The following PTCH1 variants were observed in gnomAD, a reference collection of about 807,000 sequenced individuals.
The protein encoded by PTCH1 is patched 1, also known as protein patched homolog 1.
In PTCH1, 14 loss-of-function variants were observed where a neutral mutation model predicts 144.6. The observed-to-expected ratio is 0.10, with a 90% CI of 0.06 to 0.15. The LOEUF (loss-of-function observed/expected upper bound fraction) is 0.15, where lower values mean the gene tolerates loss of function less well. Among genes scored for constraint, PTCH1 ranks in the 10% least tolerant of loss-of-function variants. The pLI is 1.00. For missense variants in PTCH1, 1,623 were observed against 1,948.3 expected, an observed-to-expected ratio of 0.83 and a Z score of 3.14; for synonymous variants, 833 against 793.6, an observed-to-expected ratio of 1.05 and a Z score of -0.83.
At position 95,468,979 on chromosome 9, in the gene PTCH1, C is replaced by T. The variant is rs368564259; in HGVS notation, c.2022G>A (p.Val674=). 11 of 1,613,904 alleles carry T rather than the reference C, an allele frequency of 6.8e-6. No homozygotes were observed. The highest frequency in any genetic ancestry group is 8.5e-6 in the Non-Finnish European group (10 of 1,180,040). The change falls in exon 14 of 24, where the codon GTG becomes GTA. Residue 674 remains valine (V), a synonymous_variant. Transcript: ENST00000331920. ...LRTEYDPHTH[V]YYTTAEPRSE... ...AGCGCGGCTCAGCGGTGGTGTAGTA[C>T]ACGTGCGTGTGGGGGTCGTACTCCG...
intron 7 of PTCH1, among the ~76,000 whole-genome samples, chr9:95,479,499 G>A (rs1841362071): frequency 6.6e-6 from 1 of 152,136 alleles, no homozygotes; most frequent in Admixed American, 6.5e-5. Flanking sequence ...AATCCCAGAC[G>A]GTGGCGTTCC....
chr9:95,469,039 C>T lies in PTCH1; in HGVS notation c.1962G>A (p.Thr654=), dbSNP rs201544613. ...GGACAGTGGACTGCATGGTAATCTGCGTTTCATGGGCAAAGCTGTGGCTGC... is the reference window on the plus strand; with the variant it reads ...GGACAGTGGACTGCATGGTAATCTGTGTTTCATGGGCAAAGCTGTGGCTGC... ...PYSSHSFAHE[T]QITMQSTVQL... is the part of the protein sequence containing the mutation. Residue 654 remains threonine, a synonymous_variant, in exon 14 of 24, where the codon ACG becomes ACA. Coordinates refer to ENST00000331920, the MANE Select transcript of PTCH1 (RefSeq NM_000264.5). The T allele has an allele frequency of 2.5e-5, 40 of 1,613,852 alleles. No homozygotes were observed. Among genetic ancestry groups the T allele is most frequent in the East Asian group, 1.1e-4 (5 of 44,872 alleles).
upstream of PTCH1, chr9:95,514,191 G>C (rs1460072128): frequency 6.6e-6 from 1 of 152,192 alleles, no homozygotes; most frequent in Non-Finnish European, 1.5e-5. Flanking sequence ...AAAGAAAACA[G>C]AGCATTGACC....
chr9:95,453,717 C>T, intron 19 of PTCH1, 97 bp from the exon 20 acceptor site: 1 of 1,518,928 alleles, frequency 6.6e-7, no homozygotes, highest in Non-Finnish European at 9.0e-7. Flanking sequence ...GAACTGCTCA[C>T]ATCTTACTGT....
At chr9:95,453,693 G>A in intron 19 of PTCH1, 73 bp from the exon 20 acceptor site, 1 of 1,592,216 alleles carries the variant, frequency 6.3e-7, no homozygotes, top group Middle Eastern at 1.7e-4. Context: ...TGTCCTAAAT[G>A]TTACAAGCTC....
At chr9:95,471,433 A>T (rs1454170105) in intron 12 of PTCH1, among the ~76,000 whole-genome samples, 1 of 152,156 alleles carries the variant, frequency 6.6e-6, no homozygotes, top group East Asian at 1.9e-4. Flanking sequence ...TTACCACTCT[A>T]ATGTATTTAA....
At chr9:95,451,083 A>G (rs764713097) in intron 20 of PTCH1, 8 of 152,206 alleles carry the variant, frequency 5.3e-5, no homozygotes, top group Admixed American at 2.6e-4. Flanking sequence ...CCATGTCTAT[A>G]TATGTTTTGA....
chr9:95,470,344 A>G (rs1261383898), intron 12 of PTCH1, among the ~76,000 whole-genome samples: 1 of 152,232 alleles, frequency 6.6e-6, no homozygotes, highest in African/African-American at 2.4e-5. Context: ...ACATTTTTAT[A>G]TAAAGTGGAT....
Position 95,443,723 on chromosome 9 carries a change from A to G in PTCH1, c.*2670T>C, listed in dbSNP as rs1837652836. 2.0e-5 allele frequency: 3 copies of G among 152,674 alleles called. No homozygotes were observed. Among genetic ancestry groups the G allele is most frequent in the Admixed American group, 2.0e-4 (3 of 15,280 alleles). 9.5% of individuals were successfully genotyped at this position (152,674 alleles called of 1,614,324 possible). The stretch of plus-strand genomic sequence containing the variant: ...ATTCTTTAAAAATATACTTCTGTCA[A>G]AAGACTTGATGACTACTATGTACAC... On this transcript the variant is annotated 3_prime_UTR_variant, in exon 24 of 24. Coordinates refer to ENST00000331920, the MANE Select transcript of PTCH1 (RefSeq NM_000264.5).
At position 95,450,021 on chromosome 9, in the gene PTCH1, T is replaced by C. The variant is rs571606371; in HGVS notation, c.3450-81A>G. 58 of 1,269,750 alleles carry C rather than the reference T, an allele frequency of 4.6e-5. No homozygotes were observed. In the African/African-American group the frequency reaches 7.8e-4, roughly 17 times the overall value. 78.7% of individuals were successfully genotyped at this position (1,269,750 alleles called of 1,614,324 possible). A position where few individuals can be genotyped will look rare whatever the true frequency, so the allele number is the denominator to read the frequency against. On this transcript the variant is annotated intron_variant, in intron 20 of 23. Transcript: ENST00000331920. ...CCTCCGTGTGCCCGACACAGCAGCA[T>C]GGCAACGCCAGAAATGAACAAAACC...
In PTCH1 at chr9:95,505,776, A is replaced by AC. The variant is rs1160526599; in HGVS notation, c.394+630dup. On this transcript the variant is annotated intron_variant, in intron 2 of 23. Transcript: ENST00000331920. ...TTTTTTTTCCACTCCTTCCACCCCC[A>AC]CCCCGCGTTTTTTGTACCTTGAGAC... 2.2e-4 allele frequency among the ~76,000 whole-genome samples: 30 copies of AC among 139,512 alleles called. No homozygotes were observed. In the Admixed American group the frequency reaches 2.2e-3, roughly 10 times the overall value. The allele number at this position is 139,512 out of a possible 152,430, so 91.5% of individuals were successfully genotyped here.
chr9:95,497,524 G>A (rs1842869516), intron 2 of PTCH1, among the ~76,000 whole-genome samples: 1 of 152,188 alleles, frequency 6.6e-6, no homozygotes, highest in Admixed American at 6.5e-5. Context: ...CACCCGGGAG[G>A]GCTTCCTCTC....
intron 2 of PTCH1, among the ~76,000 whole-genome samples, chr9:95,502,795 G>GC (rs1843244354): frequency 6.6e-6 from 1 of 152,000 alleles, no homozygotes; most frequent in Non-Finnish European, 1.5e-5. Flanking sequence ...GATGTATTCT[G>GC]CCCTCTTTAT....
Position 95,469,686 on chromosome 9 carries a change from C to T in PTCH1, c.1847+127G>A, listed in dbSNP as rs1447694588. ...GGAAGCAGCCTCTGTCCAATCTCTC[C>T]CCTACGTTCTCCACACCAGCACAAA... is the stretch of plus-strand genomic sequence containing the variant. On this transcript the variant is annotated intron_variant, in intron 13 of 23. Transcript: ENST00000331920. 4 of 957,888 alleles carry T rather than the reference C, an allele frequency of 4.2e-6. No homozygotes were observed. In the African/African-American group the frequency reaches 4.8e-5, roughly 12 times the overall value. The allele number at this position is 957,888 out of a possible 1,614,324, so 59.3% of individuals were successfully genotyped here.
intron 15 of PTCH1, among the ~76,000 whole-genome samples, chr9:95,465,566 TG>T (rs1839924924): frequency 6.6e-6 from 1 of 152,206 alleles, no homozygotes; most frequent in Admixed American, 6.5e-5. Context: ...TGGGTGTACA[TG>T]TAGACACAAA....
At chr9:95,481,078 C>A (rs1357168090) in intron 5 of PTCH1, among the ~76,000 whole-genome samples, 1 of 152,220 alleles carries the variant, frequency 6.6e-6, no homozygotes, top group African/African-American at 2.4e-5. Context: ...AAGCCCCCTG[C>A]AGCCTCTGCC....
intron 4 of PTCH1, 45 bp downstream of exon 4, chr9:95,482,089 C>G (rs753393477): frequency 6.2e-7 from 1 of 1,610,488 alleles, no homozygotes; most frequent in African/African-American, 1.3e-5. Flanking sequence ...AGGCACACTA[C>G]TGGGGTGTTC....
At position 95,446,284 on chromosome 9, in the gene PTCH1, A is replaced by T; in HGVS notation, c.*109T>A. 2.1e-6 allele frequency: 1 copy of T among 486,346 alleles called. No individual in the cohort carries two copies. Among genetic ancestry groups the T allele is most frequent in the South Asian group, 1.5e-5 (1 of 67,504 alleles). 30.1% of individuals were successfully genotyped at this position (486,346 alleles called of 1,614,324 possible). ...TAACAATGAACTGCTGTCCTGGCACAGGGCATCTTTTCCATAACTCCAACC... is the reference window on the plus strand; with the variant it reads ...TAACAATGAACTGCTGTCCTGGCACTGGGCATCTTTTCCATAACTCCAACC... On this transcript the variant is annotated 3_prime_UTR_variant, in exon 24 of 24. Transcript: ENST00000331920.
At chr9:95,481,044 T>A (rs1281372797) in intron 5 of PTCH1, among the ~76,000 whole-genome samples, 1 of 152,220 alleles carries the variant, frequency 6.6e-6, no homozygotes, top group Admixed American at 6.5e-5. Context: ...GAGCGCTCTC[T>A]GACAGCCTGG....
Sources: gnomAD v4.1 joint callset for allele counts (sites outside exome capture counted in the v4.1 genomes callset) on GRCh38, gnomAD v4.1.1 for gene constraint, MANE v1.5 for transcripts, NCBI Gene and HGNC (gene_info 2026-07-23, HGNC 2026-07-21) for gene names.